Variants in LRRC4C observed in about 807,000 individuals in gnomAD.
LRRC4C encodes leucine-rich repeat-containing protein 4C.
In LRRC4C, 5 loss-of-function variants were observed where a neutral mutation model predicts 33.6. The ratio of observed to expected loss-of-function variants is 0.15; its 90% CI spans 0.08 to 0.31. The LOEUF is 0.31. Among genes scored for constraint, LRRC4C ranks in the 10% least tolerant of loss-of-function variants. LRRC4C has a pLI of 1.00. For synonymous variants in LRRC4C, 329 were observed against 302.0 expected (o/e 1.09, Z -0.93); for missense variants, 560 against 796.7 (o/e 0.70, Z 3.58).
intron 1 of LRRC4C, among the ~76,000 whole-genome samples, chr11:41,313,325 A>T (rs894632918): frequency 9.2e-5 from 14 of 152,224 alleles, no homozygotes; most frequent in Non-Finnish European, 2.1e-4. Context: ...TTAATTAATG[A>T]AGAAAATCAT....
intron 3 of LRRC4C, among the ~76,000 whole-genome samples, chr11:40,396,066 G>A (rs1477745126): frequency 2.0e-5 from 3 of 152,076 alleles, no homozygotes; most frequent in Non-Finnish European, 4.4e-5. Context: ...ATAGGGCCCA[G>A]GGATGTGGAT....
chr11:41,459,599 G>A lies in LRRC4C; in HGVS notation c.-664C>T, dbSNP rs902526310. Reference sequence around the variant, plus strand: ...CTGATCTTCCAGCACCAGCAAAAACGTGTCCAAGAGACTCCGCCAAAAAGT... The same window carrying A: ...CTGATCTTCCAGCACCAGCAAAAACATGTCCAAGAGACTCCGCCAAAAAGT... On this transcript the variant is annotated 5_prime_UTR_variant, in exon 1 of 7. In the 5' UTR this introduces an upstream ATG that the reference lacks. Transcript: ENST00000528697. The A allele has an allele frequency of 4.6e-5, 7 of 151,526 alleles. No homozygotes were observed. Among genetic ancestry groups the A allele is most frequent in the African/African-American group, 1.7e-4 (7 of 41,130 alleles). 9.4% of individuals were successfully genotyped at this position (151,526 alleles called of 1,614,324 possible).
intron 1 of LRRC4C, among the ~76,000 whole-genome samples, chr11:41,154,255 T>C (rs780918905): frequency 6.6e-6 from 1 of 152,188 alleles, no homozygotes; most frequent in Non-Finnish European, 1.5e-5. Flanking sequence ...CACTGTTCTA[T>C]ATGCTGAAGA....
At chr11:41,059,634 G>T (rs986834084) in intron 1 of LRRC4C, among the ~76,000 whole-genome samples, 1 of 151,876 alleles carries the variant, frequency 6.6e-6, no homozygotes, top group Non-Finnish European at 1.5e-5. Context: ...CCTTATGTAG[G>T]TTGTGCCTGT....
At chr11:40,544,296 G>A (rs1000432135) in intron 3 of LRRC4C, among the ~76,000 whole-genome samples, 8 of 151,966 alleles carry the variant, frequency 5.3e-5, no homozygotes, top group African/African-American at 4.8e-5. Flanking sequence ...AGTAGATACT[G>A]GTTACATGAG....
intron 1 of LRRC4C, among the ~76,000 whole-genome samples, chr11:41,282,184 C>A (rs111719454): frequency 1.3e-5 from 2 of 152,174 alleles, no homozygotes; most frequent in African/African-American, 2.4e-5. Context: ...TTTTCCCTGG[C>A]AATTTTGTAA....
At chr11:40,536,032 T>C (rs548938114) in intron 3 of LRRC4C, among the ~76,000 whole-genome samples, 1 of 152,314 alleles carries the variant, frequency 6.6e-6, no homozygotes, top group Non-Finnish European at 1.5e-5. Context: ...AGGCCCATTA[T>C]TATATGTCCA....
At chr11:40,230,714 C>G (rs1317856315) in intron 5 of LRRC4C, among the ~76,000 whole-genome samples, 1 of 152,092 alleles carries the variant, frequency 6.6e-6, no homozygotes, top group African/African-American at 2.4e-5. Context: ...AAAGTGATAG[C>G]AATTACTGAT....
chr11:40,328,582 G>A (rs910518857), intron 3 of LRRC4C, among the ~76,000 whole-genome samples: 2 of 152,084 alleles, frequency 1.3e-5, no homozygotes, highest in Admixed American at 6.5e-5. Context: ...TCAACCATTG[G>A]AATAAGTCTT....
intron 1 of LRRC4C, among the ~76,000 whole-genome samples, chr11:41,054,504 A>G (rs1439100540): frequency 6.6e-6 from 1 of 152,186 alleles, no homozygotes; most frequent in Non-Finnish European, 1.5e-5. Flanking sequence ...TGCTGTCACC[A>G]CCAGGGTGAT....
intron 3 of LRRC4C, among the ~76,000 whole-genome samples, chr11:40,514,132 T>C (rs1255941043): frequency 1.3e-5 from 2 of 152,154 alleles, no homozygotes; most frequent in Non-Finnish European, 2.9e-5. Flanking sequence ...ATCCTTACAG[T>C]AGAGTGACAA....
At chr11:40,405,879 A>G (rs1468236272) in intron 3 of LRRC4C, among the ~76,000 whole-genome samples, 2 of 151,816 alleles carry the variant, frequency 1.3e-5, no homozygotes, top group Admixed American at 6.6e-5. Context: ...GAACCACAAG[A>G]GAGAAGGAAC....
At chr11:40,985,482 T>TAAAAAATTGACAAGTAGATGGA (rs751881450) in intron 1 of LRRC4C, among the ~76,000 whole-genome samples, 2 of 5,398 alleles carry the variant, frequency 3.7e-4, no homozygotes, top group African/African-American at 4.3e-4. Flanking sequence ...AGAACATTTT[T>TAAAAAATTGACAAGTAGATGGA]TTTTTTTTTT....
At chr11:40,711,252 C>T (rs1054532530) in intron 2 of LRRC4C, among the ~76,000 whole-genome samples, 3 of 152,166 alleles carry the variant, frequency 2.0e-5, no homozygotes, top group African/African-American at 7.2e-5. Context: ...GTTGGAGATG[C>T]AGAAATCACC....
chr11:40,815,554 A>C (rs2135420709), intron 2 of LRRC4C, among the ~76,000 whole-genome samples: 1 of 152,260 alleles, frequency 6.6e-6, no homozygotes, highest in Admixed American at 6.5e-5. Flanking sequence ...ATTGCTCTCC[A>C]TGGGAAGTCA....
chr11:40,507,554 T>C (rs1955093763), intron 3 of LRRC4C, among the ~76,000 whole-genome samples: 1 of 152,220 alleles, frequency 6.6e-6, no homozygotes, highest in South Asian at 2.1e-4. Context: ...TTGAAAAAGG[T>C]ATGGTAACGC....
intron 2 of LRRC4C, among the ~76,000 whole-genome samples, chr11:40,718,197 G>A (rs1946828617): frequency 1.3e-5 from 2 of 152,182 alleles, no homozygotes; most frequent in African/African-American, 4.8e-5. Context: ...AGTCATGAGT[G>A]ATTTTGTTCA....
At chr11:40,966,390 A>G (rs1335442544) in intron 1 of LRRC4C, among the ~76,000 whole-genome samples, 1 of 151,878 alleles carries the variant, frequency 6.6e-6, no homozygotes, top group Non-Finnish European at 1.5e-5. Context: ...GAAGAGGAAA[A>G]AGATGGAGTT....
At chr11:41,421,673 A>G (rs1954877324) in intron 1 of LRRC4C, among the ~76,000 whole-genome samples, 1 of 152,054 alleles carries the variant, frequency 6.6e-6, no homozygotes, top group African/African-American at 2.4e-5. Flanking sequence ...TACGTAGATC[A>G]AAAAGACACT....
Sources: allele counts gnomAD v4.1 joint callset (sites outside exome capture counted in the v4.1 genomes callset), GRCh38; gene constraint gnomAD v4.1.1; transcripts MANE v1.5; gene names NCBI Gene and HGNC (gene_info 2026-07-23, HGNC 2026-07-21).